OLFM1: variants seen among roughly 807,000 people sequenced by gnomAD.
OLFM1 encodes the protein noelin.
OLFM1 carries 9 observed loss-of-function variants against 49.7 expected under a neutral mutation model. The observed-to-expected ratio is 0.18, with a 90% CI of 0.11 to 0.32. OLFM1 has a LOEUF of 0.32. OLFM1 is among the 10% of genes least tolerant of loss of function. OLFM1 has a pLI of 1.00. For synonymous variants in OLFM1, 240 were observed against 271.8 expected (o/e 0.88, Z 1.15); for missense variants, 369 against 661.8 (o/e 0.56, Z 4.85).
At chr9:135,076,252 C>G in intron 1 of OLFM1, 1 of 1,550,616 alleles carries the variant, frequency 6.4e-7, no homozygotes, top group Non-Finnish European at 8.7e-7. Flanking sequence ...GGGCATAACG[C>G]TGCCCTTGGG....
intron 5 of OLFM1, among the ~76,000 whole-genome samples, chr9:135,110,129 G>C (rs527721197): frequency 6.6e-6 from 1 of 152,160 alleles, no homozygotes; most frequent in African/African-American, 2.4e-5. Flanking sequence ...TGTTGGAGGA[G>C]GGAAGGGCTG....
At chr9:135,111,592 G>A (rs936324844) in intron 5 of OLFM1, among the ~76,000 whole-genome samples, 2 of 152,208 alleles carry the variant, frequency 1.3e-5, no homozygotes, top group African/African-American at 4.8e-5. Context: ...GATGTCACCA[G>A]TGAGCTCCTG....
intron 4 of OLFM1, chr9:135,106,545 T>G: frequency 1.8e-6 from 1 of 568,822 alleles, no homozygotes; most frequent in Non-Finnish European, 3.2e-6. Context: ...GCTGCTCTGT[T>G]TTGGGGAGGA....
intron 4 of OLFM1, among the ~76,000 whole-genome samples, chr9:135,102,589 C>T (rs1283869473): frequency 6.6e-6 from 1 of 152,184 alleles, no homozygotes; most frequent in Non-Finnish European, 1.5e-5. Flanking sequence ...CTGCCGTGAC[C>T]CTTTCCTCAG....
upstream of OLFM1, among the ~76,000 whole-genome samples, chr9:135,087,030 C>T (rs937161450): frequency 3.3e-5 from 5 of 152,242 alleles, no homozygotes; most frequent in African/African-American, 1.2e-4. Context: ...CGGCAGACCA[C>T]CCCAGCCCCC....
At chr9:135,084,375 C>CTCTCTCCTCTCTGTCTCTATTA (rs1257549817), upstream of OLFM1, among the ~76,000 whole-genome samples, 1 of 149,146 alleles carries the variant, frequency 6.7e-6, no homozygotes, top group African/African-American at 2.5e-5. This position sits in a 1 kb window ranked among gnomAD's most constrained non-coding sequence, Gnocchi z 4.6. Context: ...CGTCTCTTCT[C>CTCTCTCCTCTCTGTCTCTATTA]TCTCTCCTCT....
intron 1 of OLFM1, among the ~76,000 whole-genome samples, chr9:135,082,387 C>T (rs1023829044): frequency 1.6e-5 from 2 of 125,082 alleles, no homozygotes; most frequent in African/African-American, 6.0e-5. Context: ...CCCTACCATA[C>T]AAAATGGCTC....
rs540951016 is a variant in OLFM1, at chr9:135,117,502, G to A, written c.784-2002G>A. 3.3e-5 allele frequency among the ~76,000 whole-genome samples: 5 copies of A among 152,306 alleles called. No homozygotes were observed. In the East Asian group the frequency reaches 5.8e-4, roughly 18 times the overall value. On this transcript the variant is annotated intron_variant, in intron 5 of 5. Transcript: ENST00000371793. This position sits in a 1 kb window ranked among gnomAD's most constrained non-coding sequence, Gnocchi z 5.5. ...TGGGATATGGGAGCTGGCCCGCCCCGGTGACTTTGAGAGTCGATCCTCACT... is the reference window on the plus strand; with the variant it reads ...TGGGATATGGGAGCTGGCCCGCCCCAGTGACTTTGAGAGTCGATCCTCACT...
chr9:135,107,383 G>A lies in OLFM1; in HGVS notation c.783+528G>A, dbSNP rs544759645. 2.2e-4 allele frequency among the ~76,000 whole-genome samples: 34 copies of A among 152,252 alleles called. No homozygotes were observed. The South Asian group carries it at 3.7e-3, about 17-fold the overall frequency. On this transcript the variant is annotated intron_variant, in intron 5 of 5. Transcript: ENST00000371793. ...GTTCTTTTTTCCCAGGCTTTTCCCCGCTGGGTGAAACCTCAGAAGAGGAGA... is the reference window on the plus strand; with the variant it reads ...GTTCTTTTTTCCCAGGCTTTTCCCCACTGGGTGAAACCTCAGAAGAGGAGA...
At chr9:135,086,595 G>C (rs781626061), upstream of OLFM1, 152 of 455,910 alleles carry the variant, frequency 3.3e-4, no homozygotes, top group Non-Finnish European at 5.6e-4. Flanking sequence ...CCAAATGGCT[G>C]GGAAAGCTTA....
chr9:135,099,450 T>C (rs1588213210), intron 4 of OLFM1, among the ~76,000 whole-genome samples: 2 of 152,210 alleles, frequency 1.3e-5, no homozygotes, highest in East Asian at 1.9e-4. Context: ...AGTGCCTTAC[T>C]ATAAACCTAA....
intron 5 of OLFM1, among the ~76,000 whole-genome samples, chr9:135,114,307 G>A (rs989956647): frequency 3.3e-5 from 5 of 151,648 alleles, no homozygotes; most frequent in African/African-American, 1.2e-4. Context: ...TTTTAGTAGA[G>A]ACGAGGTTTC....
intron 1 of OLFM1, 136 bp from the exon 2 acceptor site, chr9:135,090,059 G>A (rs1357790672): frequency 7.3e-6 from 6 of 817,216 alleles, no homozygotes; most frequent in African/African-American, 1.7e-5. Flanking sequence ...GGTCAAACAT[G>A]TCTTGGGACC....
At chr9:135,083,206 C>T (rs74515728), upstream of OLFM1, among the ~76,000 whole-genome samples, 697 of 152,248 alleles carry the variant, frequency 4.6e-3, 7 homozygotes, top group African/African-American at 0.016. Flanking sequence ...CAGAGGGTGA[C>T]GTGTCTGCTG....
chr9:135,100,177 A>C (rs2119120709), intron 4 of OLFM1, among the ~76,000 whole-genome samples: 1 of 152,304 alleles, frequency 6.6e-6, no homozygotes, highest in African/African-American at 2.4e-5. Flanking sequence ...ACCCAGAGAA[A>C]ACCTCCACAT....
At position 135,106,775 on chromosome 9, in the gene OLFM1, G is replaced by C; in HGVS notation, c.703G>C (p.Asp235His). 6.2e-7 allele frequency: 1 copy of C among 1,613,676 alleles called. No homozygotes were observed. The highest frequency in any genetic ancestry group is 8.5e-7 in the Non-Finnish European group (1 of 1,179,904). ...LACGKLTGISDPVTVKTSGSR... is the reference protein window; with the variant it reads ...LACGKLTGISHPVTVKTSGSR... ...TTGCGGGAAGTTGACGGGCATCAGT[G>C]ACCCCGTGACTGTCAAGACCTCCGG... is the stretch of plus-strand genomic sequence containing the variant. The change falls in exon 5 of 6, where the codon GAC (aspartate) becomes CAC (histidine). Residue 235 changes from aspartate (D) to histidine (H), a missense_variant. Asp to His is a moderately conservative substitution (Grantham distance 81). This residue lies in a region of OLFM1 where 294 missense variants were observed against 567.5 expected (regional missense o/e 0.52). Transcript: ENST00000371793.
At chr9:135,101,027 C>G (rs541475072) in intron 4 of OLFM1, among the ~76,000 whole-genome samples, 47 of 152,336 alleles carry the variant, frequency 3.1e-4, no homozygotes, top group African/African-American at 1.1e-3. Flanking sequence ...AGCTCAGTAA[C>G]TTAAGCACCA....
intron 1 of OLFM1, among the ~76,000 whole-genome samples, chr9:135,089,974 G>C (rs901442490): frequency 6.6e-6 from 1 of 152,172 alleles, no homozygotes; most frequent in Non-Finnish European, 1.5e-5. Flanking sequence ...TTGCCTCTTT[G>C]ACATCCTTCC....
Position 135,091,691 on chromosome 9 carries a change from A to ACAGTCTCACACATAGT in OLFM1, c.300+1349_300+1350insGTCTCACACATAGTCA, listed in dbSNP as rs749065527. Among the ~76,000 whole-genome samples the ACAGTCTCACACATAGT allele has an allele frequency of 2.3e-5, 2 of 87,342 alleles. 1 individual carries two copies. The highest frequency in any genetic ancestry group is 4.2e-5 in the Non-Finnish European group (2 of 47,092). The allele number at this position is 87,342 out of a possible 152,430, so 57.3% of individuals were successfully genotyped here. A position where few individuals can be genotyped will look rare whatever the true frequency, so the allele number is the denominator to read the frequency against. ...GTCACACACTCACACATAGTCTCAC[A>ACAGTCTCACACATAGT]CACACACAGTCACACTCACACATAG... On this transcript the variant is annotated intron_variant, in intron 2 of 5. Coordinates refer to ENST00000371793, the MANE Select transcript of OLFM1 (RefSeq NM_001282611.2).
Sources: gnomAD v4.1 joint callset for allele counts (sites outside exome capture counted in the v4.1 genomes callset) on GRCh38, gnomAD v4.1.1 for gene constraint, gnomAD v4.1.1 regional missense constraint, Gnocchi (gnomAD v3.1) non-coding constraint, MANE v1.5 for transcripts, NCBI Gene and HGNC (gene_info 2026-07-23, HGNC 2026-07-21) for gene names.